Variants in WBP2NL observed in about 807,000 individuals in gnomAD.
WBP2NL encodes the protein WBP2 N-terminal like.
WBP2NL carries 27 observed loss-of-function variants against 23.3 expected under a neutral mutation model. The observed-to-expected ratio is 1.16, with a 90% CI of 0.85 to 1.60. WBP2NL has a LOEUF of 1.60. Ranked by LOEUF, WBP2NL falls within the 40% of genes most tolerant of loss-of-function variation. The pLI, the probability that WBP2NL is intolerant of heterozygous loss-of-function variation, is 0.00. For missense variants in WBP2NL, 370 were observed against 389.5 expected (o/e 0.95, Z 0.42); for synonymous variants, 151 against 145.9 (o/e 1.03, Z -0.25).
chr22:42,022,222 C>A lies in WBP2NL; in HGVS notation c.407-27C>A, dbSNP rs768284675. 5.0e-6 allele frequency: 8 copies of A among 1,591,720 alleles called. No individual in the cohort carries two copies. The African/African-American group carries it at 1.1e-4, about 21-fold the overall frequency. ...TATATCTGACTTAATTAAAAGAGTTCCTATTTTGCCAAATTTGTCTTTCCA... is the reference window on the plus strand; with the variant it reads ...TATATCTGACTTAATTAAAAGAGTTACTATTTTGCCAAATTTGTCTTTCCA... On this transcript the variant is annotated intron_variant, in intron 4 of 5. Coordinates refer to ENST00000328823, the MANE Select transcript of WBP2NL (RefSeq NM_152613.3).
At chr22:42,055,041 CTTTTCTTTT>C (rs879778870) in intron 8 of WBP2NL, among the ~76,000 whole-genome samples, 10 of 151,962 alleles carry the variant, frequency 6.6e-5, no homozygotes, top group Middle Eastern at 3.2e-3. Flanking sequence ...CTTTTTCTTT[CTTTTCTTTT>C]TTTTCTTGAG....
chr22:42,013,651 G>T (rs550667616), intron 1 of WBP2NL, among the ~76,000 whole-genome samples: 2 of 152,062 alleles, frequency 1.3e-5, no homozygotes, highest in African/African-American at 4.8e-5. Context: ...TCTCTATCAC[G>T]TAGGCTGGAG....
chr22:42,001,102 A>G, intron 1 of WBP2NL: 1 of 1,041,024 alleles, frequency 9.6e-7, no homozygotes, highest in Non-Finnish European at 1.5e-6. Flanking sequence ...CATACAAGAC[A>G]AGCACAAAAG....
intron 4 of WBP2NL, among the ~76,000 whole-genome samples, 185 bp downstream of exon 4, chr22:42,020,281 C>T (rs1355247944): frequency 6.6e-6 from 1 of 152,018 alleles, no homozygotes; most frequent in Non-Finnish European, 1.5e-5. Context: ...CTCAAATGAT[C>T]CTCTTGCCTC....
At chr22:42,007,127 A>G (rs1922326134) in intron 1 of WBP2NL, among the ~76,000 whole-genome samples, 1 of 152,186 alleles carries the variant, frequency 6.6e-6, no homozygotes, top group Non-Finnish European at 1.5e-5. Context: ...AATGTTTTCT[A>G]GTGTATCTAC....
chr22:42,042,108 C>G (rs1784231769), intron 8 of WBP2NL, among the ~76,000 whole-genome samples: 1 of 152,150 alleles, frequency 6.6e-6, no homozygotes, highest in Non-Finnish European at 1.5e-5. Context: ...AAGTTTTTGA[C>G]TTTGACAGTT....
At chr22:42,044,297 C>G (rs551455405) in intron 8 of WBP2NL, among the ~76,000 whole-genome samples, 13 of 152,080 alleles carry the variant, frequency 8.5e-5, no homozygotes, top group African/African-American at 3.1e-4. Flanking sequence ...TCTTGAACTC[C>G]TGGCCTGAAG....
downstream of WBP2NL, among the ~76,000 whole-genome samples, chr22:42,035,218 G>A (rs897725759): frequency 3.3e-5 from 5 of 152,270 alleles, no homozygotes; most frequent in African/African-American, 1.2e-4. Flanking sequence ...ACATTCTTCT[G>A]TCATGACTTC....
At chr22:42,030,476 T>G (rs1400318250), downstream of WBP2NL, 1 of 152,356 alleles carries the variant, frequency 6.6e-6, no homozygotes, top group East Asian at 1.9e-4. Flanking sequence ...GATAGAGTTA[T>G]GGGTCTAGGA....
intron 5 of WBP2NL, among the ~76,000 whole-genome samples, chr22:42,023,977 T>C (rs1389361857): frequency 1.3e-5 from 2 of 152,308 alleles, no homozygotes; most frequent in Admixed American, 1.3e-4. Context: ...TAATAGCCAC[T>C]AAGAAGTTAT....
chr22:42,000,997 A>T (rs1264648395), intron 1 of WBP2NL: 5 of 533,752 alleles, frequency 9.4e-6, no homozygotes, highest in African/African-American at 2.0e-5. Context: ...CGTCTCAAAA[A>T]AAAAGAATGC....
chr22:42,009,857 A>G (rs1922644601), intron 1 of WBP2NL, among the ~76,000 whole-genome samples: 2 of 152,048 alleles, frequency 1.3e-5, no homozygotes, highest in South Asian at 4.1e-4. Flanking sequence ...TGTTGTTGAG[A>G]TTTGGTAGGG....
intron 1 of WBP2NL, among the ~76,000 whole-genome samples, chr22:42,016,785 T>A (rs1284410317): frequency 6.6e-6 from 1 of 152,224 alleles, no homozygotes; most frequent in Non-Finnish European, 1.5e-5. Context: ...TTCCAGTTTT[T>A]ACCTTGCATC....
intron 1 of WBP2NL, among the ~76,000 whole-genome samples, chr22:42,018,340 AAGAG>A (rs144604481): frequency 0.04 from 5,938 of 147,312 alleles, 454 homozygotes; most frequent in African/African-American, 0.14. Flanking sequence ...AGACAGAAGA[AAGAG>A]AGAGAGAGAA....
intron 1 of WBP2NL, among the ~76,000 whole-genome samples, chr22:42,008,053 C>T (rs1602442950): frequency 6.6e-6 from 1 of 151,544 alleles, no homozygotes; most frequent in Non-Finnish European, 1.5e-5. Flanking sequence ...TCCACATCCT[C>T]ACCAACACTT....
At chr22:42,036,637 G>C (rs1377589418), downstream of WBP2NL, among the ~76,000 whole-genome samples, 1 of 152,182 alleles carries the variant, frequency 6.6e-6, no homozygotes, top group African/African-American at 2.4e-5. Context: ...GGTGTGAAGT[G>C]ATATCTCATT....
downstream of WBP2NL, among the ~76,000 whole-genome samples, chr22:42,028,904 G>C (rs139927678): frequency 6.6e-5 from 10 of 152,248 alleles, no homozygotes; most frequent in South Asian, 1.9e-3. Flanking sequence ...TTGCATCTTC[G>C]ACTCCTCACC....
At chr22:42,025,362 A>G (rs77896810) in intron 5 of WBP2NL, among the ~76,000 whole-genome samples, 3,878 of 152,316 alleles carry the variant, frequency 0.025, 166 homozygotes, top group African/African-American at 0.088. Flanking sequence ...ATAGCTCATC[A>G]GCTATCGTTA....
Position 42,038,234 on chromosome 22 carries a change from A to G in WBP2NL, c.*273+7411A>G, listed in dbSNP as rs563538501. Among the ~76,000 whole-genome samples, 68 of 152,230 alleles carry G rather than the reference A, an allele frequency of 4.5e-4. 1 individual carries two copies. The highest frequency in any genetic ancestry group is 2.1e-3 in the Admixed American group (32 of 15,290). The stretch of plus-strand genomic sequence containing the variant: ...TTTTTCTAGGTCTACTGATGTGATC[A>G]TCTGTTTTTTGTGTTTCCTTCCTCT... On this transcript the variant is annotated intron_variant and NMD_transcript_variant, in intron 8 of 8. Coordinates refer to the WBP2NL transcript ENST00000436265.
Sources: gnomAD v4.1 joint callset for allele counts (sites outside exome capture counted in the v4.1 genomes callset) on GRCh38, gnomAD v4.1.1 for gene constraint, MANE v1.5 for transcripts, NCBI Gene and HGNC (gene_info 2026-07-23, HGNC 2026-07-21) for gene names.